Variants in CFAP47 observed in about 807,000 individuals in gnomAD.
CFAP47 encodes cilia- and flagella-associated protein 47.
CFAP47 carries 29 observed loss-of-function variants against 148.1 expected under a neutral mutation model. That is an observed-to-expected ratio of 0.20 (90% CI 0.15 to 0.27). The LOEUF (loss-of-function observed/expected upper bound fraction) is 0.27, where lower values mean the gene tolerates loss of function less well. Among genes scored for constraint, CFAP47 ranks in the 10% least tolerant of loss-of-function variants. The pLI, the probability that CFAP47 is intolerant of heterozygous loss-of-function variation, is 1.00. For missense variants in CFAP47, 1,872 were observed against 1,697.5 expected, an observed-to-expected ratio of 1.10 and a Z score of -1.81; for synonymous variants, 664 against 577.3, an observed-to-expected ratio of 1.15 and a Z score of -2.15.
At chrX:36,101,510 A>G (rs1682742337) in intron 32 of CFAP47, among the ~76,000 whole-genome samples, 1 of 111,629 alleles carries the variant, frequency 9.0e-6, no homozygotes, top group South Asian at 3.7e-4. Context: ...GTAATGAGCA[A>G]TTTCTCATTA....
chrX:36,346,712 A>T (rs1941700332), intron 57 of CFAP47, among the ~76,000 whole-genome samples: 1 of 111,775 alleles, frequency 8.9e-6, no homozygotes. Flanking sequence ...TCACTCTGGG[A>T]AACCTCAGCC....
intron 16 of CFAP47, chrX:35,989,686 G>T (rs1936764474): frequency 1.8e-5 from 14 of 796,567 alleles, no homozygotes; most frequent in Non-Finnish European, 2.4e-5. Context: ...ATACTTGATG[G>T]ATTAAAAATG....
At chrX:36,304,731 T>C (rs1360856844) in intron 54 of CFAP47, among the ~76,000 whole-genome samples, 1 of 111,493 alleles carries the variant, frequency 9.0e-6, no homozygotes, top group East Asian at 2.8e-4. Flanking sequence ...CTGACAACTC[T>C]AGCCCTCTCT....
At chrX:36,196,636 A>G (rs1939923864) in intron 42 of CFAP47, among the ~76,000 whole-genome samples, 1 of 111,189 alleles carries the variant, frequency 9.0e-6, no homozygotes, top group Admixed American at 9.7e-5. Flanking sequence ...GTCTTCTTGC[A>G]AATTTGCATG....
chrX:36,017,005 A>G (rs1341526597), intron 22 of CFAP47, among the ~76,000 whole-genome samples: 1 of 110,804 alleles, frequency 9.0e-6, no homozygotes, highest in Non-Finnish European at 1.9e-5. Flanking sequence ...TCAATTTTAA[A>G]TCGGATTATT....
Position 35,953,695 on chromosome X carries a change from G to A in CFAP47, c.1150G>A (p.Asp384Asn), listed in dbSNP as rs1169589622. ...SVGSKDGFLR[D>N]DDYKTIKSER... ...AGGAAGTAAAGATGGATTTTTGAGA[G>A]ATGATGACTATAAAACCATCAAAAG... The change falls in exon 7 of 64, where the codon GAT becomes AAT. Residue 384 changes from aspartate (D) to asparagine (N), a missense_variant. Physicochemically the swap from Asp to Asn is conservative, Grantham distance 23. Coordinates refer to ENST00000378653, the MANE Select transcript of CFAP47 (RefSeq NM_001304548.2). 4 of 1,198,779 alleles carry A rather than the reference G, an allele frequency of 3.3e-6. No homozygotes were observed. Among genetic ancestry groups the A allele is most frequent in the Non-Finnish European group, 4.5e-6 (4 of 886,000 alleles).
At chrX:36,179,602 A>G (rs1405998293) in intron 40 of CFAP47, among the ~76,000 whole-genome samples, 180 bp downstream of exon 40, 2 of 111,963 alleles carry the variant, frequency 1.8e-5, no homozygotes, top group Admixed American at 1.9e-4. Flanking sequence ...GTGCATAAAA[A>G]TTGAATAAAT....
chrX:36,237,414 C>T lies in CFAP47; in HGVS notation c.7332+555C>T, dbSNP rs1373783118. Among the ~76,000 whole-genome samples the T allele has an allele frequency of 3.6e-5, 4 of 111,368 alleles. No individual in the cohort carries two copies. The South Asian group carries it at 1.1e-3, about 31-fold the overall frequency. On this transcript the variant is annotated intron_variant, in intron 48 of 63. Transcript: ENST00000378653. Reference sequence around the variant, plus strand: ...GTATGATCTCGGCTCACTGCAACCTCCACCTCCTGGGTTCAAGTGTTTCTT... The same window carrying T: ...GTATGATCTCGGCTCACTGCAACCTTCACCTCCTGGGTTCAAGTGTTTCTT...
At chrX:36,251,956 A>G (rs1329540150) in intron 49 of CFAP47, among the ~76,000 whole-genome samples, 12 of 111,178 alleles carry the variant, frequency 1.1e-4, no homozygotes, top group Non-Finnish European at 7.6e-5. Context: ...AATTACTTAC[A>G]TGGGAATCGG....
intron 16 of CFAP47, 104 bp downstream of exon 16, chrX:35,989,553 C>T: frequency 8.4e-7 from 1 of 1,194,364 alleles, no homozygotes; most frequent in Non-Finnish European, 1.1e-6. Context: ...CTGTAAAACC[C>T]AAGACTTTCA....
chrX:35,936,585 G>C (rs1332762822), intron 2 of CFAP47, among the ~76,000 whole-genome samples: 1 of 109,244 alleles, frequency 9.2e-6, no homozygotes, highest in East Asian at 2.9e-4. Context: ...GGTGATTTTT[G>C]ATTGAATGCT....
Position 36,190,130 on chromosome X carries a change from A to C in CFAP47, c.6255A>C (p.Leu2085=), listed in dbSNP as rs1375839635. 1 of 298,147 alleles carries C rather than the reference A, an allele frequency of 3.4e-6. No homozygotes were observed. Among genetic ancestry groups the C allele is most frequent in the Non-Finnish European group, 5.9e-6 (1 of 170,305 alleles). 24.6% of individuals were successfully genotyped at this position (298,147 alleles called of 1,213,427 possible). Residue 2085 remains leucine, a synonymous_variant, in exon 42 of 64, where the codon CTA becomes CTC. Transcript: ENST00000378653. ...TGGGAGTGAAAGGAACTTCAAGCCTAGAGCTCCGCTTTCTTCCCTTTAACA... is the reference window on the plus strand; with the variant it reads ...TGGGAGTGAAAGGAACTTCAAGCCTCGAGCTCCGCTTTCTTCCCTTTAACA... ...VHLGVKGTSS[L]ELRFLPFNMH... is the part of the protein sequence containing the mutation.
chrX:35,991,541 C>T (rs933871670), intron 16 of CFAP47, among the ~76,000 whole-genome samples: 22 of 110,015 alleles, frequency 2.0e-4, no homozygotes, highest in African/African-American at 6.6e-4. Flanking sequence ...ACTAGATTAT[C>T]ACAGATTTAG....
At chrX:36,143,289 C>T (rs769240907) in intron 35 of CFAP47, among the ~76,000 whole-genome samples, 7 of 111,696 alleles carry the variant, frequency 6.3e-5, no homozygotes, top group South Asian at 3.8e-4. Context: ...TCTATTTTCC[C>T]GAGAAGAATA....
intron 15 of CFAP47, among the ~76,000 whole-genome samples, chrX:35,976,196 G>C (rs1034322149): frequency 5.4e-5 from 6 of 110,514 alleles, no homozygotes; most frequent in African/African-American, 2.0e-4. Flanking sequence ...TGGCTCACAG[G>C]TTGTGTGGTT....
chrX:36,248,798 T>C (rs1156473225), intron 48 of CFAP47, among the ~76,000 whole-genome samples: 2 of 110,839 alleles, frequency 1.8e-5, no homozygotes, highest in Admixed American at 9.7e-5. Flanking sequence ...AAATAAACCT[T>C]AATAAATTTA....
intron 3 of CFAP47, among the ~76,000 whole-genome samples, chrX:35,942,048 G>GTGTC: frequency 9.4e-6 from 1 of 106,197 alleles, no homozygotes; most frequent in South Asian, 4.1e-4. Flanking sequence ...GTGTGTGTGT[G>GTGTC]TGTCTGTGTG....
intron 56 of CFAP47, among the ~76,000 whole-genome samples, chrX:36,312,013 A>G (rs1941397810): frequency 1.8e-5 from 2 of 111,164 alleles, no homozygotes; most frequent in Admixed American, 1.9e-4. Flanking sequence ...TGTGGTGTTT[A>G]ATAAATGTTG....
chrX:36,139,469 A>T (rs1406498882), intron 35 of CFAP47, among the ~76,000 whole-genome samples: 1 of 111,610 alleles, frequency 9.0e-6, no homozygotes, highest in African/African-American at 3.3e-5. Context: ...ATTATGGGGG[A>T]TAAAAGGCCT....
Sources: allele counts gnomAD v4.1 joint callset (sites outside exome capture counted in the v4.1 genomes callset), GRCh38; gene constraint gnomAD v4.1.1; transcripts MANE v1.5; gene names NCBI Gene and HGNC (gene_info 2026-07-23, HGNC 2026-07-21).